Variants in PTPRB observed in about 807,000 individuals in gnomAD.
The protein encoded by PTPRB is receptor-type tyrosine-protein phosphatase beta.
Under a neutral mutation model 238.1 loss-of-function variants are expected in PTPRB, and 97 were observed. The ratio of observed to expected loss-of-function variants is 0.41; its 90% CI spans 0.35 to 0.48. PTPRB has a LOEUF of 0.48. PTPRB is among the 20% of genes least tolerant of loss of function. The probability of loss-of-function intolerance (pLI) is 0.30; values close to 1 mark genes in which losing one functional copy is unlikely to be tolerated. For synonymous variants in PTPRB, 970 were observed against 995.4 expected (o/e 0.97, Z 0.48); for missense variants, 2,292 against 2,681.9 (o/e 0.85, Z 3.21).
intron 3 of PTPRB, among the ~76,000 whole-genome samples, chr12:70,611,541 C>T (rs552634092): frequency 2.0e-5 from 3 of 152,068 alleles, no homozygotes; most frequent in South Asian, 2.1e-4. Context: ...CTCAAGTGAT[C>T]GACCCGCCTT....
chr12:70,623,930 G>C (rs182325769), intron 2 of PTPRB, among the ~76,000 whole-genome samples: 1 of 152,252 alleles, frequency 6.6e-6, no homozygotes, highest in Non-Finnish European at 1.5e-5. Context: ...GATGTAAAGA[G>C]GAGGGCGATG....
chr12:70,544,766 G>T, intron 21 of PTPRB, 103 bp from the exon 22 acceptor site: 1 of 653,942 alleles, frequency 1.5e-6, no homozygotes, highest in Non-Finnish European at 2.5e-6. Context: ...TCAGTGGGTA[G>T]CAGGGTAGAA....
intron 33 of PTPRB, among the ~76,000 whole-genome samples, chr12:70,523,262 C>G (rs1871880598): frequency 6.6e-6 from 1 of 152,146 alleles, no homozygotes; most frequent in African/African-American, 2.4e-5. Context: ...TCAAGTGATT[C>G]TCCTGCCTCA....
Position 70,556,123 on chromosome 12 carries a change from A to G in PTPRB, c.4740T>C (p.His1580=). The G allele has an allele frequency of 1.9e-6, 3 of 1,613,710 alleles. No homozygotes were observed. Among genetic ancestry groups the G allele is most frequent in the South Asian group, 2.2e-5 (2 of 91,070 alleles). The change falls in exon 19 of 34, where the codon CAT becomes CAC. Residue 1580 remains histidine, a synonymous_variant. Transcript: ENST00000334414. The part of the protein sequence containing the change: ...RTKPDKIQNL[H]CRPQNSTAIA... ...TGGCCGTGGAGTTCTGAGGCCGGCAATGCAGGTTTTGTATCTTGTCAGGCT... is the reference window on the plus strand; with the variant it reads ...TGGCCGTGGAGTTCTGAGGCCGGCAGTGCAGGTTTTGTATCTTGTCAGGCT...
rs1884411954 is a variant in PTPRB at position 70,610,930 on chromosome 12, T to C, written c.709-1591A>G. Among the ~76,000 whole-genome samples the C allele has an allele frequency of 2.6e-5, 4 of 152,342 alleles. No individual in the cohort carries two copies. In the South Asian group the frequency reaches 8.3e-4, roughly 32 times the overall value. ...TATTCAGCGTTCAGCCCTAACTGTA[T>C]GCCCTTTAGCAACTGCTTCAGTACC... On this transcript the variant is annotated intron_variant, in intron 3 of 33. Transcript: ENST00000334414.
In PTPRB at chr12:70,576,582, G is replaced by A. The variant is rs562005529; in HGVS notation, c.2642C>T (p.Ser881Phe). 6.3e-5 allele frequency: 97 copies of A among 1,544,442 alleles called. No individual in the cohort carries two copies. The East Asian group carries it at 2.0e-3, about 32-fold the overall frequency. ...NSGRNDYLSVSWLLAPGDVDN... is the reference protein window; with the variant it reads ...NSGRNDYLSVFWLLAPGDVDN... ...CACATCTCCGGGCGCCAGCAGCCAGGAAACGCTGAGGTAGTCATTACGACC... is the reference window on the plus strand; with the variant it reads ...CACATCTCCGGGCGCCAGCAGCCAGAAAACGCTGAGGTAGTCATTACGACC... Residue 881 changes from serine to phenylalanine, a missense_variant, in exon 11 of 34, where the codon TCC becomes TTC. Around this residue, in one of 4 missense-constraint regions of PTPRB, gnomAD observed 1,205 missense variants for 1,287.8 expected, o/e 0.94. Transcript: ENST00000334414.
intron 4 of PTPRB, among the ~76,000 whole-genome samples, chr12:70,601,676 T>C (rs1396127895): frequency 6.6e-6 from 1 of 151,938 alleles, no homozygotes; most frequent in Non-Finnish European, 1.5e-5. Context: ...AACCAAACCA[T>C]CCTTTGGTGC....
rs7303376 is a variant in PTPRB at position 70,545,982 on chromosome 12, C to A, written c.5388-1319G>T. Among the ~76,000 whole-genome samples the A allele has an allele frequency of 7.6e-3, 1,162 of 152,106 alleles. 12 individuals are homozygous for A. The highest frequency in any genetic ancestry group is 0.018 in the African/African-American group (736 of 41,488). On this transcript the variant is annotated intron_variant, in intron 21 of 33. Coordinates refer to ENST00000334414, the MANE Select transcript of PTPRB (RefSeq NM_001109754.4). The stretch of plus-strand genomic sequence containing the variant: ...CAAAACCCCGTCTCTACTAAAAATA[C>A]AAAAATTAGCCAGGCATGGTGGCGG...
In PTPRB at chr12:70,635,723, T is replaced by G; in HGVS notation, c.399A>C (p.Ile133=). Residue 133 remains isoleucine (I), a synonymous_variant, in exon 2 of 34, where the codon ATA becomes ATC. Coordinates refer to ENST00000334414, the MANE Select transcript of PTPRB (RefSeq NM_001109754.4). ...CCAGTTTTCCCTCCTTGTTGACATC[T>G]ATTTTCATCCAGCTATGGAGGTATT... ...ARKYLHSWMK[I]DVNKEGKLVN... 6.2e-7 allele frequency: 1 copy of G among 1,614,006 alleles called. No homozygotes were observed. The highest frequency in any genetic ancestry group is 1.6e-4 in the Middle Eastern group (1 of 6,062).
In PTPRB at chr12:70,571,165, T is replaced by G. The variant is rs775108007; in HGVS notation, c.3231A>C (p.Lys1077Asn). ...YEIQLLFNDM[K>N]VFPPFHLVNT... ...TTACAAGGTGAAAAGGAGGAAATAC[T>G]TTCATGTCATTGAAGAGCAGCTGGA... is the stretch of plus-strand genomic sequence containing the variant. The change falls in exon 13 of 34, where the codon AAA becomes AAC. Residue 1077 changes from lysine to asparagine, a missense_variant. Lys to Asn is a moderately conservative substitution (Grantham distance 94). Coordinates refer to ENST00000334414, the MANE Select transcript of PTPRB (RefSeq NM_001109754.4). 1 of 1,613,888 alleles carries G rather than the reference T, an allele frequency of 6.2e-7. No individual in the cohort carries two copies. Among genetic ancestry groups the G allele is most frequent in the Non-Finnish European group, 8.5e-7 (1 of 1,179,894 alleles).
rs748253111 is a variant in PTPRB at position 70,590,098 on chromosome 12, T to C, written c.1916A>G (p.Asn639Ser). The change falls in exon 8 of 34, where the codon AAC (asparagine) becomes AGC (serine). Residue 639 changes from asparagine (N) to serine (S), a missense_variant. Around this residue, in one of 4 missense-constraint regions of PTPRB, gnomAD observed 1,205 missense variants for 1,287.8 expected, o/e 0.94. Coordinates refer to ENST00000334414, the MANE Select transcript of PTPRB (RefSeq NM_001109754.4). ...LLFNDSVVLLNITVGKEETQY... is the reference protein window; with the variant it reads ...LLFNDSVVLLSITVGKEETQY... The stretch of plus-strand genomic sequence containing the variant: ...TGTTTCTTCCTTTCCCACAGTGATG[T>C]TGAGCAGCACCACAGAATCATTGAA... The C allele has an allele frequency of 1.1e-5, 17 of 1,613,918 alleles. No individual in the cohort carries two copies. In the Admixed American group the frequency reaches 1.3e-4, roughly 13 times the overall value.
chr12:70,540,758 A>AATT (rs1198604934), intron 23 of PTPRB, 100 bp downstream of exon 23: 5 of 879,594 alleles, frequency 5.7e-6, no homozygotes, highest in Non-Finnish European at 8.8e-6. Context: ...AACCTGGAAA[A>AATT]ATTAAATTAT....
chr12:70,596,631 T>C (rs1457810283), intron 4 of PTPRB, among the ~76,000 whole-genome samples: 7 of 152,176 alleles, frequency 4.6e-5, no homozygotes, highest in African/African-American at 1.7e-4. Flanking sequence ...CAAAGTTATA[T>C]TTTCTTTGGC....
chr12:70,586,447 G>T (rs148797836), intron 9 of PTPRB, among the ~76,000 whole-genome samples: 1 of 152,136 alleles, frequency 6.6e-6, no homozygotes, highest in African/African-American at 2.4e-5. Flanking sequence ...GTCTTGGGTA[G>T]GATCTTTATA....
chr12:70,531,127 AAAG>A (rs1256835738), intron 32 of PTPRB, among the ~76,000 whole-genome samples: 1 of 152,166 alleles, frequency 6.6e-6, no homozygotes, highest in Non-Finnish European at 1.5e-5. Flanking sequence ...CTGCACAAGA[AAAG>A]AATTCAGGGG....
At position 70,608,940 on chromosome 12, in the gene PTPRB, A is replaced by G. The variant is rs1884191670; in HGVS notation, c.979+129T>C. 2.3e-6 allele frequency: 3 copies of G among 1,286,546 alleles called. No individual in the cohort carries two copies. In the South Asian group the frequency reaches 4.3e-5, roughly 19 times the overall value. The allele number at this position is 1,286,546 out of a possible 1,614,324, so 79.7% of individuals were successfully genotyped here. On this transcript the variant is annotated intron_variant, in intron 4 of 33. Coordinates refer to ENST00000334414, the MANE Select transcript of PTPRB (RefSeq NM_001109754.4). ...CCGAGGAAACCAGACATTTCTGTCAATATTTATCTTCACAGGTATTTTTAC... is the reference window on the plus strand; with the variant it reads ...CCGAGGAAACCAGACATTTCTGTCAGTATTTATCTTCACAGGTATTTTTAC...
At chr12:70,536,282 A>G (rs778237914) in intron 28 of PTPRB, 123 bp from the exon 29 acceptor site, 5 of 1,102,316 alleles carry the variant, frequency 4.5e-6, no homozygotes, top group Non-Finnish European at 5.1e-6. Flanking sequence ...AGAAAAAGAT[A>G]CTAACACAAG....
chr12:70,523,098 G>A (rs1871859200), intron 33 of PTPRB, among the ~76,000 whole-genome samples: 1 of 151,884 alleles, frequency 6.6e-6, no homozygotes, highest in Non-Finnish European at 1.5e-5. Flanking sequence ...CCTGACCTCA[G>A]CTGATCACCC....
chr12:70,524,671 A>G (rs1872079745), intron 32 of PTPRB, 80 bp from the exon 33 acceptor site: 2 of 1,426,308 alleles, frequency 1.4e-6, no homozygotes, highest in Non-Finnish European at 1.9e-6. Flanking sequence ...ACTGTTGACA[A>G]TGATGGGATT....
Sources: gnomAD v4.1 joint callset for allele counts (sites outside exome capture counted in the v4.1 genomes callset) on GRCh38, gnomAD v4.1.1 for gene constraint, gnomAD v4.1.1 regional missense constraint, MANE v1.5 for transcripts, NCBI Gene and HGNC (gene_info 2026-07-23, HGNC 2026-07-21) for gene names.